The following GRIK2 variants were observed in gnomAD, a reference collection of about 807,000 sequenced individuals.
GRIK2 encodes glutamate receptor ionotropic, kainate 2.
In GRIK2, 32 loss-of-function variants were observed where a neutral mutation model predicts 100.3. The ratio of observed to expected loss-of-function variants is 0.32; its 90% CI spans 0.24 to 0.43. The LOEUF is 0.43. Ranked by LOEUF, GRIK2 falls within the 20% of genes least tolerant of loss-of-function variation. The pLI is 1.00. For missense variants in GRIK2, 843 were observed against 1,114.9 expected, an observed-to-expected ratio of 0.76 and a Z score of 3.47; for synonymous variants, 417 against 389.4, an observed-to-expected ratio of 1.07 and a Z score of -0.83.
chr6:101,628,115 A>G (rs1780545994), intron 4 of GRIK2, among the ~76,000 whole-genome samples: 1 of 152,058 alleles, frequency 6.6e-6, no homozygotes, highest in African/African-American at 2.4e-5. Flanking sequence ...TTTGAATTTA[A>G]ATTCTCTCAA....
chr6:101,862,317 G>A (rs1046243819), intron 11 of GRIK2, among the ~76,000 whole-genome samples: 13 of 152,078 alleles, frequency 8.5e-5, no homozygotes, highest in Non-Finnish European at 1.3e-4. Flanking sequence ...ATATTTTGGG[G>A]TGAAATATTT....
At chr6:101,657,864 G>A (rs1482260017) in intron 4 of GRIK2, among the ~76,000 whole-genome samples, 1 of 151,886 alleles carries the variant, frequency 6.6e-6, no homozygotes, top group Non-Finnish European at 1.5e-5. Context: ...ACATGGTAGG[G>A]CATCAGTCAA....
intron 7 of GRIK2, among the ~76,000 whole-genome samples, chr6:101,740,809 C>T (rs750453619): frequency 3.3e-5 from 5 of 152,078 alleles, no homozygotes; most frequent in Non-Finnish European, 1.5e-5. Flanking sequence ...TCTTTTTAAC[C>T]TCTAGCTCTC....
intron 14 of GRIK2, among the ~76,000 whole-genome samples, chr6:101,973,661 A>G (rs1205237437): frequency 6.6e-6 from 1 of 152,004 alleles, no homozygotes; most frequent in Non-Finnish European, 1.5e-5. Context: ...TTAAAGGATC[A>G]GGAATGTGAT....
Position 101,827,052 on chromosome 6 carries a change from A to G in GRIK2, c.1317+8569A>G, listed in dbSNP as rs1782380214. On this transcript the variant is annotated intron_variant, in intron 10 of 16. Transcript: ENST00000369134. Reference sequence around the variant, plus strand: ...TATTCTCATCTTCCCAAATCCCAGTAGATTTTCTATAGTTACAGGATAAAA... The same window carrying G: ...TATTCTCATCTTCCCAAATCCCAGTGGATTTTCTATAGTTACAGGATAAAA... Among the ~76,000 whole-genome samples, 4 of 151,288 alleles carry G rather than the reference A, an allele frequency of 2.6e-5. No homozygotes were observed. The Admixed American group carries it at 2.6e-4, about 10-fold the overall frequency.
rs1794821344 is a variant in GRIK2, at chr6:101,999,514, T to C, written c.2086-35827T>C. 5.3e-5 allele frequency among the ~76,000 whole-genome samples: 8 copies of C among 152,262 alleles called. No individual in the cohort carries two copies. In the South Asian group the frequency reaches 1.7e-3, roughly 32 times the overall value. ...TAAATGGTATTTTCAAAAACTTCAC[T>C]TTTGTAGAAACACAATTGATTGTTA... On this transcript the variant is annotated intron_variant, in intron 14 of 16. Coordinates refer to ENST00000369134, the MANE Select transcript of GRIK2 (RefSeq NM_021956.5).
At chr6:101,693,570 G>A (rs1023394289) in intron 7 of GRIK2, among the ~76,000 whole-genome samples, 1 of 151,980 alleles carries the variant, frequency 6.6e-6, no homozygotes, top group Non-Finnish European at 1.5e-5. Flanking sequence ...ACTCAGATGG[G>A]AATAGCTCAA....
chr6:101,744,522 G>GTATATATATATA (rs1562351557), intron 7 of GRIK2: 1 of 50,338 alleles, frequency 2.0e-5, no homozygotes, highest in Non-Finnish European at 4.0e-5. Context: ...GTGCGTGCGC[G>GTATATATATATA]CATATATATA....
chr6:101,874,938 C>T (rs1229249638), intron 11 of GRIK2, among the ~76,000 whole-genome samples: 1 of 152,042 alleles, frequency 6.6e-6, no homozygotes, highest in African/African-American at 2.4e-5. Flanking sequence ...GATTTTTGCA[C>T]ATTGATTTTG....
intron 15 of GRIK2, among the ~76,000 whole-genome samples, chr6:102,046,153 A>G (rs1382541350): frequency 6.6e-6 from 1 of 152,148 alleles, no homozygotes; most frequent in Non-Finnish European, 1.5e-5. Flanking sequence ...TTGTAAATAT[A>G]TATGCACCAA....
chr6:101,994,779 T>C (rs939878513), intron 14 of GRIK2, among the ~76,000 whole-genome samples: 2 of 151,872 alleles, frequency 1.3e-5, no homozygotes, highest in Non-Finnish European at 2.9e-5. Flanking sequence ...GCATCTTGAA[T>C]TGATAATTAA....
At chr6:101,717,804 C>T (rs749623681) in intron 7 of GRIK2, among the ~76,000 whole-genome samples, 4 of 151,648 alleles carry the variant, frequency 2.6e-5, no homozygotes, top group East Asian at 1.9e-4. Flanking sequence ...AAATCTTTAT[C>T]CTCTAGCAAT....
intron 10 of GRIK2, among the ~76,000 whole-genome samples, chr6:101,825,187 T>C (rs1014139565): frequency 1.3e-5 from 2 of 152,182 alleles, no homozygotes; most frequent in Non-Finnish European, 2.9e-5. Flanking sequence ...TAAGAGTGAC[T>C]CATTCAAACT....
chr6:101,810,396 C>T (rs60997904), intron 9 of GRIK2, among the ~76,000 whole-genome samples: 9,872 of 151,994 alleles, frequency 0.065, 345 homozygotes, highest in African/African-American at 0.09. Flanking sequence ...TGATTATATA[C>T]TTACTGATTT....
At chr6:101,628,546 C>T (rs1480792776) in intron 4 of GRIK2, among the ~76,000 whole-genome samples, 5 of 152,090 alleles carry the variant, frequency 3.3e-5, no homozygotes, top group Admixed American at 1.3e-4. Flanking sequence ...TTTTGAATGT[C>T]AGGTTCTATA....
chr6:101,574,375 T>C (rs1777700487), intron 2 of GRIK2, among the ~76,000 whole-genome samples: 1 of 148,018 alleles, frequency 6.8e-6, no homozygotes, highest in African/African-American at 2.5e-5. Flanking sequence ...TATATAAATA[T>C]ATAAAGTGTA....
chr6:102,020,746 A>AAAT (rs1303318996), intron 14 of GRIK2, among the ~76,000 whole-genome samples: 4 of 151,918 alleles, frequency 2.6e-5, no homozygotes, highest in African/African-American at 9.7e-5. Context: ...ACAATTACAA[A>AAAT]AATAGTATAT....
At chr6:101,462,848 G>A (rs1185664310) in intron 2 of GRIK2, among the ~76,000 whole-genome samples, 3 of 152,180 alleles carry the variant, frequency 2.0e-5, no homozygotes, top group Non-Finnish European at 4.4e-5. Context: ...GTGGGGTTTA[G>A]TGAAAGGAGG....
intron 7 of GRIK2, chr6:101,744,521 CGCATATATATAT>C (rs1357129799): frequency 1.1e-4 from 7 of 64,326 alleles, no homozygotes; most frequent in Middle Eastern, 0.011. Context: ...TGTGCGTGCG[CGCATATATATAT>C]ATATATATAT....
Sources: gnomAD v4.1 joint callset for allele counts (sites outside exome capture counted in the v4.1 genomes callset) on GRCh38, gnomAD v4.1.1 for gene constraint, MANE v1.5 for transcripts, NCBI Gene and HGNC (gene_info 2026-07-23, HGNC 2026-07-21) for gene names.